Variants in MEMO1 observed in about 807,000 individuals in gnomAD.
MEMO1 encodes the protein mediator of cell motility 1, also known as protein MEMO1.
MEMO1 carries 6 observed loss-of-function variants against 45.2 expected under a neutral mutation model. That is an observed-to-expected ratio of 0.13 (90% CI 0.07 to 0.26). The LOEUF (loss-of-function observed/expected upper bound fraction) is 0.26, where lower values mean the gene tolerates loss of function less well. Ranked by LOEUF, MEMO1 falls within the 10% of genes least tolerant of loss-of-function variation. MEMO1 has a pLI of 1.00. For missense variants in MEMO1, 184 were observed against 370.5 expected, an observed-to-expected ratio of 0.50 and a Z score of 4.13; for synonymous variants, 78 against 124.3, an observed-to-expected ratio of 0.63 and a Z score of 2.48.
chr2:31,892,323 G>A (rs1329831484), intron 6 of MEMO1, among the ~76,000 whole-genome samples, 189 bp from the exon 7 acceptor site: 1 of 152,000 alleles, frequency 6.6e-6, no homozygotes, highest in Non-Finnish European at 1.5e-5. Context: ...TTAAAAATAT[G>A]AGTCATACAG....
At chr2:32,001,124 C>T (rs555420797) in intron 2 of MEMO1, among the ~76,000 whole-genome samples, 1 of 150,786 alleles carries the variant, frequency 6.6e-6, no homozygotes, top group Non-Finnish European at 1.5e-5. Flanking sequence ...CTGCAAGCGC[C>T]GCCTCCCGGG....
chr2:31,943,375 G>A lies in MEMO1; in HGVS notation c.70C>T (p.Leu24=), dbSNP rs1245823668. 6.2e-7 allele frequency: 1 copy of A among 1,612,834 alleles called. No homozygotes were observed. Among genetic ancestry groups the A allele is most frequent in the Non-Finnish European group, 8.5e-7 (1 of 1,178,936 alleles). ...AGCCAACCTTCTAGCTGTGCATTCA[G>A]CTGCGGTCCTATAAAAAGACAAAGA... The part of the protein sequence containing the change: ...GSWYTASGPQ[L]NAQLEGWLSQ... The change falls in exon 3 of 10, where the codon CTG becomes TTG. Residue 24 remains leucine (L), a synonymous_variant. Coordinates refer to ENST00000404530, the MANE Select transcript of MEMO1 (RefSeq NM_001301833.4).
chr2:31,899,224 C>A (rs1678385123), intron 6 of MEMO1, among the ~76,000 whole-genome samples: 1 of 152,062 alleles, frequency 6.6e-6, no homozygotes, highest in East Asian at 1.9e-4. Flanking sequence ...CCCATATAGC[C>A]AAGACAATCC....
chr2:32,000,044 C>A (rs1364266589), intron 2 of MEMO1, among the ~76,000 whole-genome samples: 2 of 151,872 alleles, frequency 1.3e-5, no homozygotes, highest in Non-Finnish European at 2.9e-5. Context: ...ATCACTACAT[C>A]CAGCTAATTT....
intron 2 of MEMO1, among the ~76,000 whole-genome samples, chr2:31,962,577 A>G (rs1212663496): frequency 6.6e-6 from 1 of 152,210 alleles, no homozygotes; most frequent in Non-Finnish European, 1.5e-5. Context: ...AAAGTGAGAA[A>G]AGGCATCTAA....
At chr2:31,935,686 G>T (rs531277062) in intron 3 of MEMO1, among the ~76,000 whole-genome samples, 2 of 152,228 alleles carry the variant, frequency 1.3e-5, no homozygotes, top group African/African-American at 4.8e-5. Flanking sequence ...CAGAAACATG[G>T]TAATGAAGAA....
intron 2 of MEMO1, among the ~76,000 whole-genome samples, chr2:31,977,606 T>C (rs933946945): frequency 1.3e-5 from 2 of 152,108 alleles, no homozygotes; most frequent in African/African-American, 4.8e-5. Context: ...CTCTGCCTCC[T>C]AGGTACAAGC....
intron 6 of MEMO1, among the ~76,000 whole-genome samples, chr2:31,902,203 G>A (rs2064814): frequency 0.11 from 16,715 of 151,930 alleles, 963 homozygotes; most frequent in Middle Eastern, 0.19. Context: ...GATCACTTAA[G>A]GCCAGGAGTT....
intron 2 of MEMO1, among the ~76,000 whole-genome samples, chr2:31,969,662 G>A (rs1214021752): frequency 6.8e-6 from 1 of 147,566 alleles, no homozygotes; most frequent in African/African-American, 2.5e-5. Context: ...TGTTGCCCAG[G>A]CTGGAGTGCA....
At chr2:32,008,601 C>T (rs1284651001) in intron 2 of MEMO1, among the ~76,000 whole-genome samples, 1 of 151,998 alleles carries the variant, frequency 6.6e-6, no homozygotes, top group South Asian at 2.1e-4. Context: ...AAAAAAAAAC[C>T]ACTTCTCTAC....
chr2:31,997,647 G>A (rs1672764660), intron 2 of MEMO1, among the ~76,000 whole-genome samples: 1 of 152,110 alleles, frequency 6.6e-6, no homozygotes, highest in African/African-American at 2.4e-5. Flanking sequence ...ACATACTTGG[G>A]GAACAGCAAG....
At position 31,922,511 on chromosome 2, in the gene MEMO1, T is replaced by C. The variant is rs115439858; in HGVS notation, c.213-1601A>G. On this transcript the variant is annotated intron_variant, in intron 4 of 9. Coordinates refer to ENST00000404530, the MANE Select transcript of MEMO1 (RefSeq NM_001301833.4). ...CTTTTACTTTAAGTTCAAGGGTACCTGTACGGGTTTGTAATATAGGTAAAT... is the reference window on the plus strand; with the variant it reads ...CTTTTACTTTAAGTTCAAGGGTACCCGTACGGGTTTGTAATATAGGTAAAT... Among the ~76,000 whole-genome samples, 1,163 of 152,290 alleles carry C rather than the reference T, an allele frequency of 7.6e-3. 15 individuals are homozygous for C. The highest frequency in any genetic ancestry group is 0.024 in the African/African-American group (991 of 41,566).
At chr2:31,920,657 T>C (rs183633588) in intron 5 of MEMO1, 141 bp downstream of exon 5, 36 of 417,464 alleles carry the variant, frequency 8.6e-5, no homozygotes, top group Middle Eastern at 7.4e-4. Flanking sequence ...TTTTTTGCTG[T>C]TTTATGCAGA....
rs74330457 is a variant in MEMO1 at position 31,929,501 on chromosome 2, G to A, written c.212+2566C>T. 3.5e-4 allele frequency among the ~76,000 whole-genome samples: 53 copies of A among 152,252 alleles called. 1 individual carries two copies. The East Asian group carries it at 9.6e-3, about 28-fold the overall frequency. On this transcript the variant is annotated intron_variant, in intron 4 of 9. Transcript: ENST00000404530. ...TGGCTTGAAATTCCTCTCCAGATATGTTAATACCCTTATCTAACTAGTATT... is the reference window on the plus strand; with the variant it reads ...TGGCTTGAAATTCCTCTCCAGATATATTAATACCCTTATCTAACTAGTATT...
At chr2:31,873,994 G>C (rs1010506162) in intron 8 of MEMO1, among the ~76,000 whole-genome samples, 1 of 151,896 alleles carries the variant, frequency 6.6e-6, no homozygotes, top group Non-Finnish European at 1.5e-5. Context: ...AGGTGACGAA[G>C]GAACAATTTT....
In MEMO1 at chr2:31,930,315, A is replaced by G. The variant is rs192599621; in HGVS notation, c.212+1752T>C. Among the ~76,000 whole-genome samples, 334 of 152,126 alleles carry G rather than the reference A, an allele frequency of 2.2e-3. 1 individual carries two copies. The highest frequency in any genetic ancestry group is 7.9e-3 in the African/African-American group (329 of 41,502). On this transcript the variant is annotated intron_variant, in intron 4 of 9. Transcript: ENST00000404530. ...AAATAATTCGATCACATCAGCCATC[A>G]TTTGCCTCTCTTTCTACTCATCTTC...
intron 8 of MEMO1, among the ~76,000 whole-genome samples, chr2:31,879,557 A>C (rs1675044938): frequency 6.6e-6 from 1 of 152,178 alleles, no homozygotes; most frequent in East Asian, 1.9e-4. Context: ...TAAAAATATA[A>C]TGCAGGCCAT....
chr2:31,964,944 C>A (rs576713305), intron 2 of MEMO1, among the ~76,000 whole-genome samples: 1 of 151,268 alleles, frequency 6.6e-6, no homozygotes, highest in Non-Finnish European at 1.5e-5. Flanking sequence ...CTGGGTGCAG[C>A]GGCTCACCCC....
chr2:31,989,991 A>T (rs924790839), intron 2 of MEMO1, among the ~76,000 whole-genome samples: 1 of 152,106 alleles, frequency 6.6e-6, no homozygotes, highest in Non-Finnish European at 1.5e-5. Context: ...GGTGGTATAC[A>T]CCTATAGTCC....
Sources: gnomAD v4.1 joint callset for allele counts (sites outside exome capture counted in the v4.1 genomes callset) on GRCh38, gnomAD v4.1.1 for gene constraint, MANE v1.5 for transcripts, NCBI Gene and HGNC (gene_info 2026-07-23, HGNC 2026-07-21) for gene names.